The following PRR14L variants were observed in gnomAD, a reference collection of about 807,000 sequenced individuals.
The protein encoded by PRR14L is proline rich 14 like, also known as protein PRR14L.
Under a neutral mutation model 155.0 loss-of-function variants are expected in PRR14L, and 80 were observed. The ratio of observed to expected loss-of-function variants is 0.52; its 90% CI spans 0.43 to 0.62. PRR14L has a LOEUF of 0.62. PRR14L is among the 20% of genes least tolerant of loss of function. PRR14L has a pLI of 0.00. For synonymous variants in PRR14L, 883 were observed against 916.0 expected, an observed-to-expected ratio of 0.96 and a Z score of 0.65; for missense variants, 2,469 against 2,548.0, an observed-to-expected ratio of 0.97 and a Z score of 0.67.
intron 1 of PRR14L, among the ~76,000 whole-genome samples, chr22:31,741,766 G>A (rs998326140): frequency 6.6e-6 from 1 of 152,020 alleles, no homozygotes; most frequent in African/African-American, 2.4e-5. Context: ...CAGCTACTTA[G>A]GAGGCTGAGG....
chr22:31,707,851 TTAA>T (rs1338941483), intron 4 of PRR14L, among the ~76,000 whole-genome samples: 1 of 152,090 alleles, frequency 6.6e-6, no homozygotes, highest in Admixed American at 6.6e-5. Flanking sequence ...AAGAGAACTT[TTAA>T]AAATAACTCT....
At chr22:31,698,756 TA>T (rs893808821) in intron 7 of PRR14L, among the ~76,000 whole-genome samples, 9 of 151,386 alleles carry the variant, frequency 5.9e-5, no homozygotes, top group African/African-American at 2.2e-4. Flanking sequence ...CCATCTCTAC[TA>T]AAAAAATACA....
intron 6 of PRR14L, 51 bp from the exon 7 acceptor site, chr22:31,701,813 T>A: frequency 6.9e-7 from 1 of 1,445,754 alleles, no homozygotes; most frequent in Non-Finnish European, 9.6e-7. Flanking sequence ...GACATTTTAT[T>A]TATATATTTT....
At chr22:31,706,654 C>A (rs2074593985) in intron 4 of PRR14L, among the ~76,000 whole-genome samples, 1 of 152,002 alleles carries the variant, frequency 6.6e-6, no homozygotes, top group African/African-American at 2.4e-5. Flanking sequence ...GAACTCCTGA[C>A]CTTGTGGTCT....
intron 2 of PRR14L, among the ~76,000 whole-genome samples, chr22:31,733,637 C>T (rs565318062): frequency 6.6e-6 from 1 of 152,132 alleles, no homozygotes; most frequent in African/African-American, 2.4e-5. Flanking sequence ...GTGAACAGGT[C>T]GAGGCACCAA....
chr22:31,699,486 T>G (rs544190660), intron 7 of PRR14L, among the ~76,000 whole-genome samples: 1 of 152,250 alleles, frequency 6.6e-6, no homozygotes, highest in South Asian at 2.1e-4. Context: ...GGAATGCTCA[T>G]TGGAGCATTT....
chr22:31,702,215 CT>C (rs1556456284), intron 6 of PRR14L, among the ~76,000 whole-genome samples: 5 of 149,354 alleles, frequency 3.3e-5, no homozygotes, highest in African/African-American at 1.0e-4. Context: ...TCTATTCCTG[CT>C]TTTTTTATTA....
intron 4 of PRR14L, among the ~76,000 whole-genome samples, chr22:31,707,829 T>C (rs551251490): frequency 6.6e-6 from 1 of 152,352 alleles, no homozygotes; most frequent in Admixed American, 6.5e-5. Context: ...TTTTCATGGC[T>C]GTCTTTATAA....
At position 31,738,827 on chromosome 22, in the gene PRR14L, G is replaced by A. The variant is rs1170592822; in HGVS notation, c.34C>T (p.Pro12Ser). 6.5e-7 allele frequency: 1 copy of A among 1,545,928 alleles called. No homozygotes were observed. Among genetic ancestry groups the A allele is most frequent in the South Asian group, 1.2e-5 (1 of 84,014 alleles). Reference sequence around the variant, plus strand: ...ACGGCAGACATGGAGGAATCAAGTGGAACTGGCTGAGTCTCTACTCCAGAT... The same window carrying A: ...ACGGCAGACATGGAGGAATCAAGTGAAACTGGCTGAGTCTCTACTCCAGAT... ...LSSGVETQPV[P>S]LDSSMSAVVQ... Residue 12 changes from proline (P) to serine (S), a missense_variant, in exon 2 of 9, where the codon CCA becomes TCA. Pro to Ser is a moderately conservative substitution (Grantham distance 74). Transcript: ENST00000327423.
intron 8 of PRR14L, among the ~76,000 whole-genome samples, chr22:31,687,330 C>A (rs1386410023): frequency 6.6e-6 from 1 of 150,854 alleles, no homozygotes; most frequent in Non-Finnish European, 1.5e-5. Context: ...GCCACTGCAC[C>A]TGGCTGAGAC....
At chr22:31,689,668 C>A (rs1450004500) in intron 7 of PRR14L, among the ~76,000 whole-genome samples, 1 of 152,142 alleles carries the variant, frequency 6.6e-6, no homozygotes, top group African/African-American at 2.4e-5. Context: ...GGGCTGGGCT[C>A]AAGAGATCCT....
At chr22:31,733,948 C>A (rs147453653) in intron 2 of PRR14L, among the ~76,000 whole-genome samples, 6 of 151,864 alleles carry the variant, frequency 4.0e-5, no homozygotes, top group Non-Finnish European at 8.8e-5. Context: ...CACACACACA[C>A]AGTTCATTAT....
At chr22:31,702,051 C>T (rs2074565587) in intron 6 of PRR14L, among the ~76,000 whole-genome samples, 1 of 152,168 alleles carries the variant, frequency 6.6e-6, no homozygotes, top group Non-Finnish European at 1.5e-5. Flanking sequence ...CCTTTTGCCT[C>T]AGCCTCTGCG....
chr22:31,700,558 A>G (rs1162097011), intron 7 of PRR14L, among the ~76,000 whole-genome samples: 2 of 152,234 alleles, frequency 1.3e-5, no homozygotes, highest in Non-Finnish European at 2.9e-5. Context: ...TAGACTGTAC[A>G]GAAATCTTTT....
At chr22:31,735,847 G>A (rs1006874550) in intron 2 of PRR14L, among the ~76,000 whole-genome samples, 2 of 151,740 alleles carry the variant, frequency 1.3e-5, no homozygotes, top group South Asian at 2.1e-4. Flanking sequence ...TCGGGAGTTC[G>A]AGACCAGCCT....
At chr22:31,730,062 C>A (rs1263709243) in intron 2 of PRR14L, among the ~76,000 whole-genome samples, 3 of 151,236 alleles carry the variant, frequency 2.0e-5, no homozygotes, top group Non-Finnish European at 4.4e-5. Context: ...CAGAGAACTG[C>A]TTAAACCCAG....
rs770285585 is a variant in PRR14L, at chr22:31,713,272, G to A, written c.4567C>T (p.His1523Tyr). 30 of 1,552,062 alleles carry A rather than the reference G, an allele frequency of 1.9e-5. No individual in the cohort carries two copies. The highest frequency in any genetic ancestry group is 2.5e-5 in the Non-Finnish European group (29 of 1,147,116). ...KGVLPLKKQP[H>Y]RTCKKVSYQE... Reference sequence around the variant, plus strand: ...TAGGAAACTTTCTTACAAGTTCGATGGGGCTGCTTCTTTAAGGGAAGAACT... The same window carrying A: ...TAGGAAACTTTCTTACAAGTTCGATAGGGCTGCTTCTTTAAGGGAAGAACT... Residue 1523 changes from histidine to tyrosine, a missense_variant, in exon 4 of 9, where the codon CAT (histidine) becomes TAT (tyrosine). By Grantham distance (83) the His-to-Tyr change is moderately conservative. Around this residue, in one of 2 missense-constraint regions of PRR14L, gnomAD observed 2,363 missense variants for 2,371.6 expected, o/e 1.00. Coordinates refer to ENST00000327423, the MANE Select transcript of PRR14L (RefSeq NM_173566.3).
intron 4 of PRR14L, among the ~76,000 whole-genome samples, chr22:31,705,712 C>A (rs1172676303): frequency 6.6e-6 from 1 of 151,850 alleles, no homozygotes; most frequent in African/African-American, 2.4e-5. Context: ...TAAAACATAG[C>A]TATACAGCCG....
rs1252162726 is a variant in PRR14L at position 31,712,307 on chromosome 22, G to C, written c.5532C>G (p.His1844Gln). ...TGAAGAGCCTCTGCATGGTAGGCAT[G>C]TGGCTGGAGAAGCTCCGTTTTTTTG... ...IWTKKRSFSS[H>Q]MPTMQRLFMT... is the part of the protein sequence containing the mutation. Residue 1844 changes from histidine (H) to glutamine (Q), a missense_variant, in exon 4 of 9, where the codon CAC becomes CAG. Transcript: ENST00000327423. 2 of 1,614,082 alleles carry C rather than the reference G, an allele frequency of 1.2e-6. No homozygotes were observed. Among genetic ancestry groups the C allele is most frequent in the African/African-American group, 2.7e-5 (2 of 74,938 alleles).
Sources: allele counts gnomAD v4.1 joint callset (sites outside exome capture counted in the v4.1 genomes callset), GRCh38; gene constraint gnomAD v4.1.1; regional missense constraint gnomAD v4.1.1; transcripts MANE v1.5; gene names NCBI Gene and HGNC (gene_info 2026-07-23, HGNC 2026-07-21).